ABCA8: variants seen among roughly 807,000 people sequenced by gnomAD.
ABCA8 encodes ABC-type organic anion transporter ABCA8.
Under a neutral mutation model 192.3 loss-of-function variants are expected in ABCA8, and 177 were observed. The ratio of observed to expected loss-of-function variants is 0.92; its 90% CI spans 0.81 to 1.04. The LOEUF is 1.04. Among genes scored for constraint, ABCA8 ranks in the 50% least tolerant of loss-of-function variants. The pLI is 0.00. For synonymous variants in ABCA8, 642 were observed against 690.2 expected (o/e 0.93, Z 1.09); for missense variants, 1,915 against 1,904.8 (o/e 1.01, Z -0.10).
chr17:68,953,607 G>T (rs1256977342), intron 1 of ABCA8, among the ~76,000 whole-genome samples: 1 of 152,154 alleles, frequency 6.6e-6, no homozygotes, highest in Non-Finnish European at 1.5e-5. Flanking sequence ...AGAGGTCAGA[G>T]AGCCCATGGA....
intron 23 of ABCA8, among the ~76,000 whole-genome samples, chr17:68,893,851 G>T (rs1166922673): frequency 6.8e-6 from 1 of 147,184 alleles, no homozygotes; most frequent in African/African-American, 2.5e-5. Flanking sequence ...TCGTCATCTA[G>T]CATTAGGTAT....
chr17:68,893,222 A>C (rs1465068590), intron 23 of ABCA8, among the ~76,000 whole-genome samples: 7 of 152,232 alleles, frequency 4.6e-5, no homozygotes, highest in Non-Finnish European at 1.0e-4. Context: ...TAAAGTGTTA[A>C]AAATACATGA....
intron 32 of ABCA8, 95 bp from the exon 33 acceptor site, chr17:68,877,774 G>C: frequency 7.4e-7 from 1 of 1,345,172 alleles, no homozygotes; most frequent in Non-Finnish European, 1.0e-6. Context: ...AGAAAAACTA[G>C]AGAAACTCTA....
chr17:68,950,392 TAAGCAAAAAGAACA>T, intron 1 of ABCA8, among the ~76,000 whole-genome samples: 1 of 152,270 alleles, frequency 6.6e-6, no homozygotes, highest in East Asian at 1.9e-4. Context: ...AAAACAATCC[TAAGCAAAAAGAACA>T]AAGCTGGAGG....
chr17:68,930,922 C>T (rs118042178), intron 7 of ABCA8, among the ~76,000 whole-genome samples: 1 of 152,216 alleles, frequency 6.6e-6, no homozygotes, highest in South Asian at 2.1e-4. Context: ...CACCTCCATG[C>T]TCTTTCAGTC....
In ABCA8 at chr17:68,917,382, C is replaced by T; in HGVS notation, c.2117G>A (p.Trp706Ter). 1 of 1,611,126 alleles carries T rather than the reference C, an allele frequency of 6.2e-7. No homozygotes were observed. The change falls in exon 17 of 40, where the codon TGG becomes TAG. Residue 706 changes from tryptophan (W) to a stop codon, truncating the protein, a stop_gained. Coordinates refer to ENST00000586539, the MANE Select transcript of ABCA8 (RefSeq NM_001288985.2). LOFTEE classifies it high-confidence loss of function. ...AGSSLFLKKKWGIGYHLSLQL... is the reference protein window; with the variant it reads ...AGSSLFLKKK ...TTACCTTAAGTGATATCCAATCCCC[C>T]ATTTCTTCTTTAGAAACAAAGAAGA...
intron 17 of ABCA8, among the ~76,000 whole-genome samples, chr17:68,910,367 G>T (rs2067202418): frequency 6.6e-6 from 1 of 152,142 alleles, no homozygotes; most frequent in Non-Finnish European, 1.5e-5. Context: ...ACTCAGTGTT[G>T]CCTGTCACAG....
At position 68,887,257 on chromosome 17, in the gene ABCA8, T is replaced by C. The variant is rs1009529340; in HGVS notation, c.3315+79A>G. 118 of 1,397,356 alleles carry C rather than the reference T, an allele frequency of 8.4e-5. No homozygotes were observed. In the Middle Eastern group the frequency reaches 1.3e-3, roughly 16 times the overall value. The allele number at this position is 1,397,356 out of a possible 1,614,324, so 86.6% of individuals were successfully genotyped here. On this transcript the variant is annotated intron_variant, in intron 25 of 39. Transcript: ENST00000586539. ...TAATTTATGACCATATAAATATTGA[T>C]AGAAATGTTCCAAAATTTCAAATTA...
rs1466264258 is a variant in ABCA8 at position 68,911,295 on chromosome 17, CCAGGCAGTA to C, written c.2139-3425_2139-3417del. Among the ~76,000 whole-genome samples, 1 of 152,102 alleles carries C rather than the reference CCAGGCAGTA, an allele frequency of 6.6e-6. No individual in the cohort carries two copies. On this transcript the variant is annotated intron_variant, in intron 17 of 39. Transcript: ENST00000586539. This position sits in a 1 kb window ranked among gnomAD's most constrained non-coding sequence, Gnocchi z 5.7. ...GGCCTTGAGTGAACATCAGTGGTAG[CCAGGCAGTA>C]CTCGCTGCAGGCCTGGGGCAGTGGT...
chr17:68,873,941 G>T (rs1289426355), intron 37 of ABCA8, among the ~76,000 whole-genome samples: 2 of 152,082 alleles, frequency 1.3e-5, no homozygotes, highest in Non-Finnish European at 2.9e-5. Context: ...ATATTGTTTT[G>T]ATTTGTGTAG....
At chr17:68,929,533 T>C (rs4147978) in intron 8 of ABCA8, 28 bp downstream of exon 8, 39,053 of 1,599,630 alleles carry the variant, frequency 0.024, 1,224 homozygotes, top group East Asian at 0.17. Context: ...TATAGGTGGA[T>C]GGAAAGATAT....
Position 68,919,315 on chromosome 17 carries a change from C to A in ABCA8, c.1774G>T (p.Glu592Ter). 6.2e-7 allele frequency: 1 copy of A among 1,610,948 alleles called. No individual in the cohort carries two copies. ...TATTTTTGTACCTCTTTATCCACTTCTTGTGGCAGAATCCCTTTTATTTTA... is the reference window on the plus strand; with the variant it reads ...TATTTTTGTACCTCTTTATCCACTTATTGTGGCAGAATCCCTTTTATTTTA... ...FAKIKGILPQ[E>*]VDKEIQRVLL... The change falls in exon 14 of 40, where the codon GAA (glutamate) becomes TAA (stop). Residue 592 changes from glutamate to a stop codon, truncating the protein, a stop_gained. Coordinates refer to ENST00000586539, the MANE Select transcript of ABCA8 (RefSeq NM_001288985.2). LOFTEE classifies it high-confidence loss of function.
At chr17:68,905,338 A>G (rs2067038366) in intron 19 of ABCA8, among the ~76,000 whole-genome samples, 1 of 152,238 alleles carries the variant, frequency 6.6e-6, no homozygotes. Context: ...CACGGTCCAC[A>G]TGTTAGAATT....
At chr17:68,931,069 T>C (rs1044892263) in intron 7 of ABCA8, among the ~76,000 whole-genome samples, 5 of 152,204 alleles carry the variant, frequency 3.3e-5, no homozygotes, top group African/African-American at 9.7e-5. Flanking sequence ...ACCAAGCATG[T>C]TCCTCAGTCT....
At chr17:68,895,102 T>C (rs901376159) in intron 21 of ABCA8, 89 bp from the exon 22 acceptor site, 9 of 1,175,794 alleles carry the variant, frequency 7.7e-6, no homozygotes, top group Non-Finnish European at 9.3e-6. Context: ...TGTCATTATG[T>C]GAAGCAGTAA....
intron 1 of ABCA8, among the ~76,000 whole-genome samples, chr17:68,950,749 G>A (rs1213605379): frequency 6.6e-6 from 1 of 152,022 alleles, no homozygotes; most frequent in East Asian, 1.9e-4. Context: ...CTGAAATAAC[G>A]AACTAATGTT....
At position 68,939,065 on chromosome 17, in the gene ABCA8, G is replaced by T. The variant is rs187696346; in HGVS notation, c.301+1693C>A. On this transcript the variant is annotated intron_variant, in intron 4 of 39. Coordinates refer to ENST00000586539, the MANE Select transcript of ABCA8 (RefSeq NM_001288985.2). ...GCCATTCTCTACAAAATTCTTAGTA[G>T]CCATTACATTTTTACTAGCTGATCT... is the stretch of plus-strand genomic sequence containing the variant. 6.6e-5 allele frequency among the ~76,000 whole-genome samples: 10 copies of T among 152,208 alleles called. No individual in the cohort carries two copies. In the East Asian group the frequency reaches 1.9e-3, roughly 29 times the overall value.
At position 68,918,539 on chromosome 17, in the gene ABCA8, C is replaced by A; in HGVS notation, c.1796G>T (p.Arg599Met). ...LPQEVDKEIQ[R>M]VLLELEMKNI... ...TTTCATTTCCAATTCCAGCAGAACC[C>A]TTTGTATCTAACCAAAAGACAGTAT... The change falls in exon 15 of 40, where the codon AGG becomes ATG. Residue 599 changes from arginine (R) to methionine (M), a missense_variant. By Grantham distance (91) the Arg-to-Met change is moderately conservative (BLOSUM62 -1). Coordinates refer to ENST00000586539, the MANE Select transcript of ABCA8 (RefSeq NM_001288985.2). The A allele has an allele frequency of 1.3e-6, 2 of 1,499,076 alleles. No individual in the cohort carries two copies. The highest frequency in any genetic ancestry group is 1.8e-6 in the Non-Finnish European group (2 of 1,135,202). The allele number at this position is 1,499,076 out of a possible 1,614,324, so 92.9% of individuals were successfully genotyped here.
rs1254859715 is a variant in ABCA8 at position 68,907,776 on chromosome 17, A to G, written c.2242T>C (p.Tyr748His). ...LSAKSEGKLI[Y>H]TLPLERTNKF... ...TTTGTTCTTTCTAAGGGTAATGTAT[A>G]AATAAGTTTTCCTTCGCTTTTGGCT... is the stretch of plus-strand genomic sequence containing the variant. The change falls in exon 18 of 40, where the codon TAT becomes CAT. Residue 748 changes from tyrosine to histidine, a missense_variant. By Grantham distance (83) the Tyr-to-His change is moderately conservative (BLOSUM62 2). Transcript: ENST00000586539. 2 of 1,607,956 alleles carry G rather than the reference A, an allele frequency of 1.2e-6. No homozygotes were observed. The highest frequency in any genetic ancestry group is 1.7e-6 in the Non-Finnish European group (2 of 1,177,540).
Sources: gnomAD v4.1 joint callset for allele counts (sites outside exome capture counted in the v4.1 genomes callset) on GRCh38, gnomAD v4.1.1 for gene constraint, Gnocchi (gnomAD v3.1) non-coding constraint, MANE v1.5 for transcripts, NCBI Gene and HGNC (gene_info 2026-07-23, HGNC 2026-07-21) for gene names.